GAP43: variants seen among roughly 807,000 people sequenced by gnomAD.
The protein encoded by GAP43 is growth associated protein 43, also known as neuromodulin.
GAP43 carries 6 observed loss-of-function variants against 18.6 expected under a neutral mutation model. The ratio of observed to expected loss-of-function variants is 0.32; its 90% confidence interval spans 0.18 to 0.64. GAP43 has a LOEUF of 0.64. Ranked by LOEUF, GAP43 falls within the 30% of genes least tolerant of loss-of-function variation. The pLI, the probability that GAP43 is intolerant of heterozygous loss-of-function variation, is 0.78. For synonymous variants in GAP43, 115 were observed against 111.4 expected (o/e 1.03, Z -0.20); for missense variants, 292 against 295.5 (o/e 0.99, Z 0.09).
intron 1 of GAP43, among the ~76,000 whole-genome samples, chr3:115,652,370 T>TTTC (rs1708530090): frequency 8.3e-6 from 1 of 120,516 alleles, no homozygotes; most frequent in Non-Finnish European, 1.7e-5. Context: ...TTTTTTTTTT[T>TTTC]TTTTTTTTTT....
At chr3:115,698,210 TAAAA>T (rs1709240362) in intron 2 of GAP43, among the ~76,000 whole-genome samples, 2 of 22,164 alleles carry the variant, frequency 9.0e-5, no homozygotes, top group African/African-American at 3.2e-4. Flanking sequence ...ATATATTATA[TAAAA>T]TATATAATAT....
At position 115,721,013 on chromosome 3, in the gene GAP43, C is replaced by A. The variant is rs1162187444; in HGVS notation, c.*131C>A. 4.5e-6 allele frequency: 2 copies of A among 446,970 alleles called. No homozygotes were observed. The highest frequency in any genetic ancestry group is 8.1e-6 in the Non-Finnish European group (2 of 245,706). The allele number at this position is 446,970 out of a possible 1,614,324, so 27.7% of individuals were successfully genotyped here. A position where few individuals can be genotyped will look rare whatever the true frequency, so the allele number is the denominator to read the frequency against. On this transcript the variant is annotated 3_prime_UTR_variant, in exon 3 of 3. Transcript: ENST00000305124. ...GTCTGTGAGTCTGTCCTTTCCCACC[C>A]ACTAGCCCTCTTTCTCTCTGTGTGG... is the stretch of plus-strand genomic sequence containing the variant.
intron 2 of GAP43, among the ~76,000 whole-genome samples, chr3:115,719,853 G>A (rs529909555): frequency 6.6e-6 from 1 of 152,266 alleles, no homozygotes; most frequent in African/African-American, 2.4e-5. Flanking sequence ...TTGTTTCAGA[G>A]CAAATGAATT....
At chr3:115,673,928 C>A (rs1176854028) in intron 1 of GAP43, among the ~76,000 whole-genome samples, 1 of 152,222 alleles carries the variant, frequency 6.6e-6, no homozygotes, top group Non-Finnish European at 1.5e-5. Context: ...CCTGCTTTTA[C>A]TTGTACATGT....
chr3:115,680,643 T>A (rs1361314510), intron 2 of GAP43, among the ~76,000 whole-genome samples: 1 of 152,132 alleles, frequency 6.6e-6, no homozygotes. Context: ...TTGGACAAAA[T>A]ATGAATGAGG....
chr3:115,636,327 A>G lies in GAP43; in HGVS notation c.30+12608A>G, dbSNP rs377159392. ...TAATTGATTACTCTCCTTCTGTTATAAAAGTCATACTATCAGTTACCAAAT... is the reference window on the plus strand; with the variant it reads ...TAATTGATTACTCTCCTTCTGTTATGAAAGTCATACTATCAGTTACCAAAT... On this transcript the variant is annotated intron_variant, in intron 1 of 2. Transcript: ENST00000305124. Among the ~76,000 whole-genome samples the G allele has an allele frequency of 2.6e-5, 4 of 152,246 alleles. No homozygotes were observed. In the East Asian group the frequency reaches 5.8e-4, roughly 22 times the overall value.
At chr3:115,683,121 ATGTGCGCGCGCG>A (rs1338137657) in intron 2 of GAP43, among the ~76,000 whole-genome samples, 1,167 of 68,982 alleles carry the variant, frequency 0.017, 16 homozygotes, top group African/African-American at 0.047. Context: ...CTCTACATAC[ATGTGCGCGCGCG>A]TGCGCGCGCG....
At chr3:115,659,882 T>C (rs1708635788) in intron 1 of GAP43, among the ~76,000 whole-genome samples, 1 of 152,164 alleles carries the variant, frequency 6.6e-6, no homozygotes, top group Admixed American at 6.5e-5. Context: ...GCGTATCTTA[T>C]TTATTTATTT....
At chr3:115,696,487 A>T (rs1020260410) in intron 2 of GAP43, among the ~76,000 whole-genome samples, 31 of 150,906 alleles carry the variant, frequency 2.1e-4, no homozygotes, top group Admixed American at 1.5e-3. Context: ...TTCTCAGCAT[A>T]TCCACTAGGT....
At chr3:115,679,186 G>A (rs1440018456) in intron 2 of GAP43, among the ~76,000 whole-genome samples, 1 of 151,992 alleles carries the variant, frequency 6.6e-6, no homozygotes, top group African/African-American at 2.4e-5. Context: ...CTAAGAGGGT[G>A]CAACAGGGTT....
At position 115,694,945 on chromosome 3, in the gene GAP43, A is replaced by T. The variant is rs1247708233; in HGVS notation, c.628+18335A>T. On this transcript the variant is annotated intron_variant, in intron 2 of 2. Transcript: ENST00000305124. ...AATCATTGTCATAAAATGCTTCAGG[A>T]TCATTATACAAATGCGACTTTTTAT... 6.6e-5 allele frequency among the ~76,000 whole-genome samples: 10 copies of T among 152,320 alleles called. No individual in the cohort carries two copies. In the East Asian group the frequency reaches 1.9e-3, roughly 29 times the overall value.
At chr3:115,677,095 A>G (rs1302843812) in intron 2 of GAP43, among the ~76,000 whole-genome samples, 1 of 152,202 alleles carries the variant, frequency 6.6e-6, no homozygotes, top group South Asian at 2.1e-4. Context: ...CAGCAAAAGT[A>G]TAATCTCAGA....
intron 2 of GAP43, among the ~76,000 whole-genome samples, chr3:115,702,617 G>A (rs190497266): frequency 6.6e-6 from 1 of 152,182 alleles, no homozygotes; most frequent in East Asian, 1.9e-4. Flanking sequence ...TTGGCAGGGT[G>A]GTTTTCCATT....
chr3:115,655,522 T>C (rs1708569873), intron 1 of GAP43, among the ~76,000 whole-genome samples: 1 of 152,216 alleles, frequency 6.6e-6, no homozygotes, highest in Non-Finnish European at 1.5e-5. Flanking sequence ...TAAGCTTCAC[T>C]ATCTTCTCTC....
chr3:115,664,204 T>C lies in GAP43; in HGVS notation c.31-11809T>C, dbSNP rs28399379. ...ATAGTTTTAGAATTTGCTATTATTA[T>C]GTTCTCCAAGCATATGAGGGTATTT... On this transcript the variant is annotated intron_variant, in intron 1 of 2. Transcript: ENST00000305124. 4.0e-3 allele frequency among the ~76,000 whole-genome samples: 594 copies of C among 146,982 alleles called. 4 individuals carry two copies. Among genetic ancestry groups the C allele is most frequent in the Middle Eastern group, 0.01 (3 of 292 alleles).
intron 1 of GAP43, among the ~76,000 whole-genome samples, chr3:115,632,249 A>C (rs185982223): frequency 6.6e-6 from 1 of 152,110 alleles, no homozygotes; most frequent in Non-Finnish European, 1.5e-5. Context: ...GGGCCCAGTC[A>C]GGCAGAAGAG....
Position 115,720,918 on chromosome 3 carries a change from C to T in GAP43, c.*36C>T, listed in dbSNP as rs1269252538. On this transcript the variant is annotated 3_prime_UTR_variant, in exon 3 of 3. Coordinates refer to ENST00000305124, the MANE Select transcript of GAP43 (RefSeq NM_002045.4). ...ATGGCTTTCCACATCCCCACCCTCC[C>T]CTCTCCTGAGCCTGTCTCTCCCTAC... 2 of 1,434,538 alleles carry T rather than the reference C, an allele frequency of 1.4e-6. No homozygotes were observed. Among genetic ancestry groups the T allele is most frequent in the Non-Finnish European group, 2.0e-6 (2 of 1,019,844 alleles). The allele number at this position is 1,434,538 out of a possible 1,614,324, so 88.9% of individuals were successfully genotyped here.
At chr3:115,683,086 C>A (rs573047854) in intron 2 of GAP43, among the ~76,000 whole-genome samples, 1 of 151,916 alleles carries the variant, frequency 6.6e-6, no homozygotes, top group Non-Finnish European at 1.5e-5. Flanking sequence ...TATTAACACA[C>A]ATTCATAAAA....
chr3:115,647,306 G>A (rs1372279480), intron 1 of GAP43, among the ~76,000 whole-genome samples: 1 of 151,984 alleles, frequency 6.6e-6, no homozygotes. Context: ...CTGGAATGGT[G>A]AGAAATAAAT....
Sources: allele counts gnomAD v4.1 joint callset (sites outside exome capture counted in the v4.1 genomes callset), GRCh38; gene constraint gnomAD v4.1.1; transcripts MANE v1.5; gene names NCBI Gene and HGNC (gene_info 2026-07-23, HGNC 2026-07-21).